The following ASCC1 variants were observed in gnomAD, a reference collection of about 807,000 sequenced individuals.
ASCC1 encodes ASC-1 complex subunit P50.
ASCC1 carries 35 observed loss-of-function variants against 46.6 expected under a neutral mutation model. The ratio of observed to expected loss-of-function variants is 0.75; its 90% confidence interval spans 0.57 to 0.99. The LOEUF (loss-of-function observed/expected upper bound fraction) is 0.99. Ranked by LOEUF, ASCC1 falls within the 50% of genes least tolerant of loss-of-function variation. The pLI, the probability that ASCC1 is intolerant of heterozygous loss-of-function variation, is 0.00. For missense variants in ASCC1, 376 were observed against 428.7 expected, an observed-to-expected ratio of 0.88 and a Z score of 1.09; for synonymous variants, 143 against 146.6, an observed-to-expected ratio of 0.98 and a Z score of 0.18.
intron 4 of ASCC1, among the ~76,000 whole-genome samples, chr10:72,200,914 G>C (rs1856405400): frequency 6.6e-6 from 1 of 152,044 alleles, no homozygotes; most frequent in Non-Finnish European, 1.5e-5. Flanking sequence ...CAGCTAGTTA[G>C]TTAAATTAAT....
intron 5 of ASCC1, among the ~76,000 whole-genome samples, chr10:72,186,192 T>A (rs993157289): frequency 6.6e-6 from 1 of 151,644 alleles, no homozygotes; most frequent in African/African-American, 2.4e-5. Flanking sequence ...AGAGACAATG[T>A]CTTACTACAT....
At chr10:72,203,671 G>T in intron 3 of ASCC1, 147 bp from the exon 4 acceptor site, 1 of 694,274 alleles carries the variant, frequency 1.4e-6, no homozygotes, top group African/African-American at 1.8e-5. Flanking sequence ...GAAATTACAA[G>T]TCATCTAGCT....
At chr10:72,132,669 A>C (rs1845743472) in intron 8 of ASCC1, among the ~76,000 whole-genome samples, 1 of 151,920 alleles carries the variant, frequency 6.6e-6, no homozygotes, top group African/African-American at 2.4e-5. Context: ...AATAACCCCC[A>C]GTTGAGAAAC....
intron 5 of ASCC1, among the ~76,000 whole-genome samples, chr10:72,175,767 C>T (rs140844023): frequency 5.1e-4 from 77 of 152,320 alleles, no homozygotes; most frequent in African/African-American, 1.8e-3. Flanking sequence ...AATCCTTCAG[C>T]CTACTCTTCT....
rs574389527 is a variant in ASCC1, at chr10:72,168,064, G to T, written c.490-6390C>A. On this transcript the variant is annotated intron_variant, in intron 5 of 9. Coordinates refer to ENST00000672957, the MANE Select transcript of ASCC1 (RefSeq NM_001198800.3). ...AAACTAGCCGGGCGTGGTGGCACGC[G>T]CCTGTAGTTCCAGCTACTCAGGAGG... Among the ~76,000 whole-genome samples the T allele has an allele frequency of 9.9e-5, 15 of 152,244 alleles. 1 individual carries two copies. In the South Asian group the frequency reaches 2.7e-3, roughly 27 times the overall value.
At chr10:72,188,120 T>A (rs1256201105) in intron 5 of ASCC1, among the ~76,000 whole-genome samples, 2 of 149,302 alleles carry the variant, frequency 1.3e-5, no homozygotes, top group African/African-American at 4.9e-5. Flanking sequence ...TAATACTTCT[T>A]CTTTTTTTTT....
Position 72,196,895 on chromosome 10 carries a change from G to A in ASCC1, c.405C>T (p.His135=). 1 of 1,613,666 alleles carries A rather than the reference G, an allele frequency of 6.2e-7. No individual in the cohort carries two copies. Among genetic ancestry groups the A allele is most frequent in the Non-Finnish European group, 8.5e-7 (1 of 1,180,016 alleles). ...CTTCATTGAGGAAAAAGGCAAGGAA[G>A]TGAGTGAAGGGCTGCTTTCTTCGAA... The part of the protein sequence containing the change: ...DTFRRKQPFT[H]FLAFFLNEVE... Residue 135 remains histidine, a synonymous_variant, in exon 5 of 10, where the codon CAC becomes CAT. Coordinates refer to ENST00000672957, the MANE Select transcript of ASCC1 (RefSeq NM_001198800.3).
At chr10:72,102,239 G>A (rs1342248947) in intron 9 of ASCC1, 2 of 1,078,354 alleles carry the variant, frequency 1.9e-6, no homozygotes, top group African/African-American at 1.6e-5. Context: ...ATATGAGGCT[G>A]CCATTGACAG....
At chr10:72,172,400 G>A (rs185513030) in intron 5 of ASCC1, among the ~76,000 whole-genome samples, 80 of 84,282 alleles carry the variant, frequency 9.5e-4, no homozygotes, top group Admixed American at 6.3e-3. Context: ...GGGCAAAAGA[G>A]CAAAACTCAG....
chr10:72,213,980 G>A (rs1858602844), intron 1 of ASCC1, among the ~76,000 whole-genome samples: 2 of 152,058 alleles, frequency 1.3e-5, no homozygotes, highest in African/African-American at 4.8e-5. Flanking sequence ...GGAAGTTGCA[G>A]TGAGCTAAGA....
intron 4 of ASCC1, among the ~76,000 whole-genome samples, chr10:72,200,525 G>A (rs1470459024): frequency 6.6e-6 from 1 of 151,998 alleles, no homozygotes; most frequent in Admixed American, 6.6e-5. Context: ...GCACATGTCT[G>A]TAATCCCAAC....
intron 5 of ASCC1, among the ~76,000 whole-genome samples, chr10:72,168,156 A>G (rs910607702): frequency 1.3e-5 from 2 of 152,264 alleles, no homozygotes; most frequent in South Asian, 4.1e-4. Context: ...GTGCCATTGC[A>G]CTCCAGTCTG....
At chr10:72,170,219 C>T (rs1469101957) in intron 5 of ASCC1, among the ~76,000 whole-genome samples, 1 of 151,780 alleles carries the variant, frequency 6.6e-6, no homozygotes, top group African/African-American at 2.4e-5. Context: ...CTTAAAATGT[C>T]CTCTTCTAGA....
rs538815562 is a variant in ASCC1 at position 72,119,235 on chromosome 10, G to T, written c.957+8847C>A. Among the ~76,000 whole-genome samples the T allele has an allele frequency of 6.7e-4, 102 of 152,342 alleles. 1 individual carries two copies. The highest frequency in any genetic ancestry group is 1.9e-3 in the South Asian group (9 of 4,828). On this transcript the variant is annotated intron_variant, in intron 9 of 9. Coordinates refer to ENST00000672957, the MANE Select transcript of ASCC1 (RefSeq NM_001198800.3). The stretch of plus-strand genomic sequence containing the variant: ...CTACTTGGCCTCCTGCTTCCAGCAG[G>T]GGGAGGAATAAAAGAACCATTCTGA...
chr10:72,205,627 T>C lies in ASCC1; in HGVS notation c.213-2103A>G, dbSNP rs1238478852. Among the ~76,000 whole-genome samples the C allele has an allele frequency of 2.7e-4, 24 of 88,062 alleles. No individual in the cohort carries two copies. In the East Asian group the frequency reaches 6.1e-3, roughly 22 times the overall value. 57.8% of individuals were successfully genotyped at this position (88,062 alleles called of 152,430 possible). A position where few individuals can be genotyped will look rare whatever the true frequency, so the allele number is the denominator to read the frequency against. On this transcript the variant is annotated intron_variant, in intron 3 of 9. Transcript: ENST00000672957. ...CCTGGGTGACAAGAGTGAAACTCCA[T>C]CTCAAAAAAAAAAAAAAAAAATAGC...
At chr10:72,119,117 C>T (rs758865812) in intron 9 of ASCC1, among the ~76,000 whole-genome samples, 3 of 152,302 alleles carry the variant, frequency 2.0e-5, no homozygotes, top group South Asian at 4.1e-4. Flanking sequence ...CTGTAATTGA[C>T]GAACTGCTAG....
chr10:72,202,343 C>G (rs1004582983), intron 4 of ASCC1, among the ~76,000 whole-genome samples: 18 of 152,182 alleles, frequency 1.2e-4, no homozygotes, highest in African/African-American at 4.1e-4. Context: ...TGGCACACAC[C>G]TGTAGTCCCA....
At chr10:72,143,976 A>G (rs1847335633) in intron 7 of ASCC1, among the ~76,000 whole-genome samples, 1 of 151,828 alleles carries the variant, frequency 6.6e-6, no homozygotes, top group African/African-American at 2.4e-5. Flanking sequence ...TCTATTGCTA[A>G]TAATGCATTT....
At chr10:72,125,680 T>C (rs1833454991) in intron 9 of ASCC1, among the ~76,000 whole-genome samples, 1 of 152,180 alleles carries the variant, frequency 6.6e-6, no homozygotes, top group African/African-American at 2.4e-5. Context: ...GCTAATTCTC[T>C]TGATTGAACA....
Sources: allele counts gnomAD v4.1 joint callset (sites outside exome capture counted in the v4.1 genomes callset), GRCh38; gene constraint gnomAD v4.1.1; transcripts MANE v1.5; gene names NCBI Gene and HGNC (gene_info 2026-07-23, HGNC 2026-07-21).